Variants in UGGT1 observed in about 807,000 individuals in gnomAD.
UGGT1 encodes UDP-glucose glycoprotein glucosyltransferase 1.
UGGT1 carries 107 observed loss-of-function variants against 203.9 expected under a neutral mutation model. That is an observed-to-expected ratio of 0.52 (90% CI 0.45 to 0.62). The LOEUF is 0.62. Among genes scored for constraint, UGGT1 ranks in the 20% least tolerant of loss-of-function variants. The pLI, the probability that UGGT1 is intolerant of heterozygous loss-of-function variation, is 0.00. For missense variants in UGGT1, 1,673 were observed against 1,867.2 expected, an observed-to-expected ratio of 0.90 and a Z score of 1.92; for synonymous variants, 628 against 653.5, an observed-to-expected ratio of 0.96 and a Z score of 0.59.
chr2:128,114,270 A>G (rs1042450111), intron 6 of UGGT1, among the ~76,000 whole-genome samples: 11 of 152,074 alleles, frequency 7.2e-5, no homozygotes, highest in African/African-American at 2.4e-4. Flanking sequence ...GGCACTCACC[A>G]TCATGCCGGC....
intron 40 of UGGT1, among the ~76,000 whole-genome samples, chr2:128,189,108 A>G (rs1156354493): frequency 6.6e-6 from 1 of 152,250 alleles, no homozygotes; most frequent in Non-Finnish European, 1.5e-5. Flanking sequence ...CATAGTGATA[A>G]TGCCATTTGT....
At position 128,186,730 on chromosome 2, in the gene UGGT1, T is replaced by C. The variant is rs1351984708; in HGVS notation, c.4407T>C (p.Pro1469=). ...ATCAGGTGCCAATTAAATCCCTCCC[T>C]CAAGAATGGCTTTGGTGTGAAACGT... The part of the protein sequence containing the change: ...MIHQVPIKSL[P]QEWLWCETWC... The change falls in exon 39 of 41, where the codon CCT becomes CCC. Residue 1469 remains proline, a synonymous_variant. Coordinates refer to ENST00000259253, the MANE Select transcript of UGGT1 (RefSeq NM_020120.4). The C allele has an allele frequency of 6.2e-7, 1 of 1,613,784 alleles. No individual in the cohort carries two copies. The highest frequency in any genetic ancestry group is 8.5e-7 in the Non-Finnish European group (1 of 1,179,838).
intron 6 of UGGT1, among the ~76,000 whole-genome samples, chr2:128,114,156 C>T (rs543104891): frequency 1.2e-4 from 18 of 152,206 alleles, no homozygotes; most frequent in African/African-American, 3.6e-4. Context: ...CTCGCTCTGT[C>T]GCCCAGGCTG....
chr2:128,189,441 A>C (rs968386075), intron 40 of UGGT1, among the ~76,000 whole-genome samples: 2 of 152,232 alleles, frequency 1.3e-5, no homozygotes, highest in Admixed American at 6.5e-5. Context: ...CGACTAAAAA[A>C]ATGCATGCAA....
intron 7 of UGGT1, 150 bp from the exon 8 acceptor site, chr2:128,116,115 A>G: frequency 1.9e-6 from 1 of 538,020 alleles, no homozygotes. Context: ...CCAAAGGGTA[A>G]TTGTGATAGT....
chr2:128,104,256 G>A, intron 3 of UGGT1, among the ~76,000 whole-genome samples: 1 of 152,090 alleles, frequency 6.6e-6, no homozygotes, highest in Non-Finnish European at 1.5e-5. Context: ...GTTCTATCGT[G>A]ATCCTTTATT....
intron 38 of UGGT1, among the ~76,000 whole-genome samples, chr2:128,185,856 C>A (rs541648958): frequency 4.6e-5 from 7 of 152,068 alleles, no homozygotes; most frequent in African/African-American, 1.7e-4. Flanking sequence ...TTTCCTTGTT[C>A]CATGTAAGTC....
At chr2:128,125,499 G>C (rs2105403162) in intron 11 of UGGT1, among the ~76,000 whole-genome samples, 1 of 152,160 alleles carries the variant, frequency 6.6e-6, no homozygotes, top group Non-Finnish European at 1.5e-5. Context: ...GCTTTCTCAG[G>C]GCTGTTGGGA....
rs181970765 is a variant in UGGT1 at position 128,185,537 on chromosome 2, G to C, written c.4360-1146G>C. On this transcript the variant is annotated intron_variant, in intron 38 of 40. Transcript: ENST00000259253. ...CACCCAGGCTGGAGTGCAGTGATGC[G>C]ATCATGGCTCACTGCAGCCTCGAAC... Among the ~76,000 whole-genome samples the C allele has an allele frequency of 3.8e-3, 546 of 144,058 alleles. 5 individuals are homozygous for C. Among genetic ancestry groups the C allele is most frequent in the African/African-American group, 0.013 (485 of 38,018 alleles). 94.5% of individuals were successfully genotyped at this position (144,058 alleles called of 152,430 possible).
intron 38 of UGGT1, among the ~76,000 whole-genome samples, chr2:128,184,708 ACT>A (rs1691883197): frequency 1.3e-5 from 2 of 152,082 alleles, no homozygotes; most frequent in East Asian, 3.9e-4. Flanking sequence ...ACAGAATCTC[ACT>A]CTGTTTCCCA....
chr2:128,172,692 A>T lies in UGGT1; in HGVS notation c.3224A>T (p.Asn1075Ile), dbSNP rs1691172621. Reference protein sequence around the residue: ...PQSPLFTLNLNTPESWMVESV... With the variant: ...PQSPLFTLNLITPESWMVESV... The stretch of plus-strand genomic sequence containing the variant: ...TCTCCACTGTTCACTCTGAATTTGA[A>T]CACACCTGAGAGCTGGATGGTAGAA... Residue 1075 changes from asparagine (N) to isoleucine (I), a missense_variant, in exon 29 of 41, where the codon AAC becomes ATC. This residue lies in a region of UGGT1 where 513 missense variants were observed against 684.1 expected (regional missense o/e 0.75). Transcript: ENST00000259253. The T allele has an allele frequency of 6.2e-7, 1 of 1,614,024 alleles. No individual in the cohort carries two copies. Among genetic ancestry groups the T allele is most frequent in the Non-Finnish European group, 8.5e-7 (1 of 1,180,028 alleles).
intron 11 of UGGT1, among the ~76,000 whole-genome samples, chr2:128,124,728 G>A (rs1429651008): frequency 6.7e-6 from 1 of 148,630 alleles, no homozygotes; most frequent in African/African-American, 2.4e-5. Context: ...TTTAACCTGT[G>A]TGTATCTTTT....
At chr2:128,101,527 C>G (rs1321986312) in intron 2 of UGGT1, among the ~76,000 whole-genome samples, 1 of 152,162 alleles carries the variant, frequency 6.6e-6, no homozygotes, top group Non-Finnish European at 1.5e-5. Context: ...TTATTAAAAT[C>G]AAAACCAATA....
Position 128,159,527 on chromosome 2 carries a change from A to T in UGGT1, c.2369A>T (p.Asn790Ile). 1.9e-6 allele frequency: 3 copies of T among 1,614,122 alleles called. No individual in the cohort carries two copies. The highest frequency in any genetic ancestry group is 2.5e-6 in the Non-Finnish European group (3 of 1,179,976). ...TTTTGTGAACAGAAATCCAGTAACA[A>T]TGTTAGAATAAGCATGATCAATAAT... ...DAIKHQKSSN[N>I]VRISMINNPA... The change falls in exon 23 of 41, where the codon AAT becomes ATT. Residue 790 changes from asparagine to isoleucine, a missense_variant. Asn to Ile is a moderately radical substitution (Grantham distance 149). This residue lies in a region of UGGT1 where 1,073 missense variants were observed against 1,078.7 expected (regional missense o/e 0.99). Coordinates refer to ENST00000259253, the MANE Select transcript of UGGT1 (RefSeq NM_020120.4).
chr2:128,105,221 A>G (rs1348554535), intron 3 of UGGT1, among the ~76,000 whole-genome samples: 1 of 151,326 alleles, frequency 6.6e-6, no homozygotes, highest in Admixed American at 6.6e-5. Context: ...TTATTAAAAT[A>G]ATTCATATTT....
At chr2:128,176,943 C>A in intron 32 of UGGT1, 45 bp downstream of exon 32, 1 of 1,557,554 alleles carries the variant, frequency 6.4e-7, no homozygotes, top group South Asian at 1.1e-5. Flanking sequence ...GGACAGCTGT[C>A]ATTTAAAAAT....
rs760510726 is a variant in UGGT1, at chr2:128,159,538, A to G, written c.2380A>G (p.Ser794Gly). The G allele has an allele frequency of 9.3e-6, 15 of 1,614,076 alleles. No individual in the cohort carries two copies. Among genetic ancestry groups the G allele is most frequent in the Admixed American group, 1.7e-5 (1 of 60,004 alleles). Residue 794 changes from serine to glycine, a missense_variant, in exon 23 of 41, where the codon AGC (serine) becomes GGC (glycine). Ser to Gly is a moderately conservative substitution (Grantham distance 56, BLOSUM62 0). Transcript: ENST00000259253. Reference protein sequence around the residue: ...HQKSSNNVRISMINNPAKEIS... With the variant: ...HQKSSNNVRIGMINNPAKEIS... Reference sequence around the variant, plus strand: ...GAAATCCAGTAACAATGTTAGAATAAGCATGATCAATAATCCTGCCAAAGA... The same window carrying G: ...GAAATCCAGTAACAATGTTAGAATAGGCATGATCAATAATCCTGCCAAAGA...
chr2:128,112,457 T>TAC (rs1214584558), intron 5 of UGGT1, among the ~76,000 whole-genome samples: 57 of 117,272 alleles, frequency 4.9e-4, no homozygotes, highest in Non-Finnish European at 8.6e-4. Context: ...TACTATGTTA[T>TAC]ATATATATAT....
At position 128,138,830 on chromosome 2, in the gene UGGT1, A is replaced by C. The variant is rs780808948; in HGVS notation, c.1697A>C (p.His566Pro). The C allele has an allele frequency of 6.2e-7, 1 of 1,614,146 alleles. No homozygotes were observed. The highest frequency in any genetic ancestry group is 1.1e-5 in the South Asian group (1 of 91,060). The change falls in exon 16 of 41, where the codon CAT becomes CCT. Residue 566 changes from histidine to proline, a missense_variant. Around this residue, in one of 4 missense-constraint regions of UGGT1, gnomAD observed 1,073 missense variants for 1,078.7 expected, o/e 0.99. Coordinates refer to ENST00000259253, the MANE Select transcript of UGGT1 (RefSeq NM_020120.4). ...NYVAQEVDDY[H>P]AFQTLTHIYN... is the part of the protein sequence containing the mutation. ...GTTGCCCAAGAAGTGGATGATTATC[A>C]TGCCTTCCAGACTCTGACACATGTA... is the stretch of plus-strand genomic sequence containing the variant.
Sources: allele counts gnomAD v4.1 joint callset (sites outside exome capture counted in the v4.1 genomes callset), GRCh38; gene constraint gnomAD v4.1.1; regional missense constraint gnomAD v4.1.1; transcripts MANE v1.5; gene names NCBI Gene and HGNC (gene_info 2026-07-23, HGNC 2026-07-21).